The following ASTN2 variants were observed in gnomAD, a reference collection of about 807,000 sequenced individuals.
ASTN2 encodes astrotactin-2.
A neutral mutation model predicts 139.8 loss-of-function variants in ASTN2; 54 were observed. The observed-to-expected ratio is 0.39, with a 90% CI of 0.31 to 0.48. The LOEUF (loss-of-function observed/expected upper bound fraction) is 0.48. ASTN2 is among the 20% of genes least tolerant of loss of function. The pLI is 0.95. For synonymous variants in ASTN2, 756 were observed against 719.5 expected (o/e 1.05, Z -0.81); for missense variants, 1,565 against 1,725.1 (o/e 0.91, Z 1.64).
chr9:117,176,192 T>C (rs1830912167), intron 3 of ASTN2, among the ~76,000 whole-genome samples: 1 of 152,100 alleles, frequency 6.6e-6, no homozygotes, highest in African/African-American at 2.4e-5. Context: ...TGGCAAAATA[T>C]AATAAGGGTT....
Position 116,699,598 on chromosome 9 carries a change from C to T in ASTN2, c.2806+26173G>A, listed in dbSNP as rs886043050. 9.3e-6 allele frequency: 15 copies of T among 1,614,142 alleles called. No homozygotes were observed. Among genetic ancestry groups the T allele is most frequent in the South Asian group, 1.1e-5 (1 of 91,086 alleles). ...CTTATTCGAGAGGGACTTACCTGTC[C>T]GGTGGGCATAGCCCTAACTCCTAAG... On this transcript the variant is annotated intron_variant, in intron 16 of 22. Transcript: ENST00000313400. This position sits in a 1 kb window ranked among gnomAD's most constrained non-coding sequence, Gnocchi z 4.2.
intron 7 of ASTN2, among the ~76,000 whole-genome samples, chr9:116,987,243 G>C (rs1836714228): frequency 6.6e-6 from 1 of 152,214 alleles, no homozygotes; most frequent in Non-Finnish European, 1.5e-5. Flanking sequence ...CCCCCTTGCT[G>C]TTCTCATGAT....
At chr9:117,171,005 A>G (rs1830779230) in intron 3 of ASTN2, among the ~76,000 whole-genome samples, 1 of 152,060 alleles carries the variant, frequency 6.6e-6, no homozygotes, top group Admixed American at 6.6e-5. Context: ...GTTGCTGGGA[A>G]CCGCATCATT....
At chr9:117,036,157 C>T (rs1838378780) in intron 6 of ASTN2, among the ~76,000 whole-genome samples, 1 of 152,044 alleles carries the variant, frequency 6.6e-6, no homozygotes, top group Non-Finnish European at 1.5e-5. Flanking sequence ...TTCTATGTTT[C>T]ACAGTAACTA....
chr9:117,339,376 G>A (rs1564154455), intron 1 of ASTN2, among the ~76,000 whole-genome samples: 1 of 152,082 alleles, frequency 6.6e-6, no homozygotes, highest in Non-Finnish European at 1.5e-5. Flanking sequence ...GAGGCAGAAA[G>A]AGGCAAGGTC....
At chr9:116,646,840 T>C (rs142201865) in intron 17 of ASTN2, among the ~76,000 whole-genome samples, 1 of 152,196 alleles carries the variant, frequency 6.6e-6, no homozygotes, top group African/African-American at 2.4e-5. Context: ...GGCTTCCCCA[T>C]TGCCCTGGGG....
intron 7 of ASTN2, among the ~76,000 whole-genome samples, chr9:117,000,572 CTG>C (rs2132568973): frequency 6.6e-6 from 1 of 152,282 alleles, no homozygotes; most frequent in South Asian, 2.1e-4. Flanking sequence ...ATGATTTAAA[CTG>C]TGTGGTGTTG....
In ASTN2 at chr9:117,414,420, G is replaced by C. The variant is rs1482079644; in HGVS notation, c.442+77C>G. 1 of 1,572,040 alleles carries C rather than the reference G, an allele frequency of 6.4e-7. No individual in the cohort carries two copies. The highest frequency in any genetic ancestry group is 1.4e-5 in the African/African-American group (1 of 71,644). On this transcript the variant is annotated intron_variant, in intron 1 of 22. Coordinates refer to ENST00000313400, the MANE Select transcript of ASTN2 (RefSeq NM_001365068.1). This position sits in a 1 kb window ranked among gnomAD's most constrained non-coding sequence, Gnocchi z 4.2. ...GGCAGCCCCGGGCAGGGATCCCCAG[G>C]GCGCCCCCACCCGTCCGGCATGACG...
At chr9:116,862,935 A>G (rs755150416) in intron 11 of ASTN2, among the ~76,000 whole-genome samples, 6 of 152,074 alleles carry the variant, frequency 3.9e-5, no homozygotes, top group Non-Finnish European at 8.8e-5. Flanking sequence ...TCATTCTTAT[A>G]AAACCATCAG....
At chr9:117,131,915 T>G (rs1231324627) in intron 4 of ASTN2, among the ~76,000 whole-genome samples, 1 of 152,348 alleles carries the variant, frequency 6.6e-6, no homozygotes, top group South Asian at 2.1e-4. Context: ...TAGTCACTCA[T>G]ATTGGCTTAA....
At chr9:116,674,417 C>CA (rs1368526091) in intron 16 of ASTN2, among the ~76,000 whole-genome samples, 2 of 152,336 alleles carry the variant, frequency 1.3e-5, no homozygotes, top group East Asian at 3.9e-4. Context: ...GATTTAATGA[C>CA]AAAGGCTTTG....
chr9:117,278,062 A>C (rs1834236348), intron 2 of ASTN2, among the ~76,000 whole-genome samples: 1 of 152,254 alleles, frequency 6.6e-6, no homozygotes, highest in Admixed American at 6.5e-5. Context: ...TAATACAAGC[A>C]GGCGCTGTAA....
At chr9:116,609,379 G>GTATATGTATATATATA (rs1554720196) in intron 19 of ASTN2, among the ~76,000 whole-genome samples, 2 of 116,726 alleles carry the variant, frequency 1.7e-5, no homozygotes, top group African/African-American at 6.5e-5. Flanking sequence ...ATATATGGGT[G>GTATATGTATATATATA]TATATATATA....
At chr9:116,596,978 G>A (rs1046438747) in intron 19 of ASTN2, among the ~76,000 whole-genome samples, 3 of 152,198 alleles carry the variant, frequency 2.0e-5, no homozygotes, top group Admixed American at 1.3e-4. Context: ...CTGCTCTCAC[G>A]TGTCAAGTTA....
intron 19 of ASTN2, among the ~76,000 whole-genome samples, chr9:116,546,876 G>C (rs751208576): frequency 1.3e-5 from 2 of 152,142 alleles, no homozygotes; most frequent in Admixed American, 6.5e-5. Context: ...TACATTGAGG[G>C]AGCAGGCGTT....
intron 10 of ASTN2, among the ~76,000 whole-genome samples, chr9:116,924,881 G>T (rs188699506): frequency 6.6e-6 from 1 of 152,076 alleles, no homozygotes; most frequent in Non-Finnish European, 1.5e-5. Context: ...AACCTTCTGG[G>T]AGTGCAGCCC....
chr9:117,197,878 T>C (rs571169949), intron 3 of ASTN2, among the ~76,000 whole-genome samples: 1 of 152,318 alleles, frequency 6.6e-6, no homozygotes, highest in East Asian at 1.9e-4. Flanking sequence ...ATAAGCACTT[T>C]AATGATGTAA....
At chr9:116,825,805 G>A (rs756467917) in intron 11 of ASTN2, among the ~76,000 whole-genome samples, 1 of 152,224 alleles carries the variant, frequency 6.6e-6, no homozygotes, top group South Asian at 2.1e-4. Flanking sequence ...TAAAACCATT[G>A]CCACAGAATG....
At chr9:116,797,499 C>T (rs746003836) in intron 13 of ASTN2, among the ~76,000 whole-genome samples, 25 of 152,124 alleles carry the variant, frequency 1.6e-4, no homozygotes, top group Non-Finnish European at 2.8e-4. Context: ...CCTCAGTGCA[C>T]TTCTAAGATC....
Sources: allele counts gnomAD v4.1 joint callset (sites outside exome capture counted in the v4.1 genomes callset), GRCh38; gene constraint gnomAD v4.1.1; non-coding constraint Gnocchi (gnomAD v3.1); transcripts MANE v1.5; gene names NCBI Gene and HGNC (gene_info 2026-07-23, HGNC 2026-07-21).